The following FRAS1 variants were observed in gnomAD, a reference collection of about 807,000 sequenced individuals.
The protein encoded by FRAS1 is extracellular matrix organizing protein FRAS1.
In FRAS1, 290 loss-of-function variants were observed where a neutral mutation model predicts 435.2. The observed-to-expected ratio is 0.67, with a 90% CI of 0.61 to 0.73. FRAS1 has a LOEUF of 0.73. FRAS1 is among the 30% of genes least tolerant of loss of function. The pLI, the probability that FRAS1 is intolerant of heterozygous loss-of-function variation, is 0.00. For synonymous variants in FRAS1, 1,800 were observed against 1,851.0 expected, an observed-to-expected ratio of 0.97 and a Z score of 0.71; for missense variants, 4,860 against 5,001.5, an observed-to-expected ratio of 0.97 and a Z score of 0.85.
intron 2 of FRAS1, among the ~76,000 whole-genome samples, chr4:78,211,676 C>A: frequency 6.6e-6 from 1 of 151,482 alleles, no homozygotes; most frequent in East Asian, 2.1e-4. Flanking sequence ...ATTAAGTAAT[C>A]CCCTCTTTTA....
rs769676626 is a variant in FRAS1 at position 78,464,552 on chromosome 4, T to G, written c.6998T>G (p.Phe2333Cys). 5 of 1,613,832 alleles carry G rather than the reference T, an allele frequency of 3.1e-6. No individual in the cohort carries two copies. In the South Asian group the frequency reaches 5.5e-5, roughly 18 times the overall value. Residue 2333 changes from phenylalanine (F) to cysteine (C), a missense_variant, in exon 49 of 74, where the codon TTT becomes TGT. Phe to Cys is a radical substitution (Grantham distance 205). Transcript: ENST00000512123. ...QEGMRKTITE[F>C]ELKAVDADTE... The stretch of plus-strand genomic sequence containing the variant: ...GGCATGAGGAAGACCATCACAGAGT[T>G]TGAGCTTAAGGCGGTGGATGCTGAC...
chr4:78,137,395 A>G (rs1719967284), intron 2 of FRAS1, among the ~76,000 whole-genome samples: 1 of 152,156 alleles, frequency 6.6e-6, no homozygotes, highest in Admixed American at 6.5e-5. Flanking sequence ...ATATGTATAC[A>G]TATATATTTT....
chr4:78,126,893 T>A (rs1719390482), intron 2 of FRAS1, among the ~76,000 whole-genome samples: 1 of 152,170 alleles, frequency 6.6e-6, no homozygotes, highest in African/African-American at 2.4e-5. Context: ...ACAAGCAGAT[T>A]AGTGGAACCT....
At chr4:78,338,537 AC>A (rs988816990) in intron 20 of FRAS1, among the ~76,000 whole-genome samples, 1 of 152,190 alleles carries the variant, frequency 6.6e-6, no homozygotes, top group Non-Finnish European at 1.5e-5. Flanking sequence ...TTCTTGATCC[AC>A]TTTTTCAAAC....
In FRAS1 at chr4:78,119,252, C is replaced by T. The variant is rs150411377; in HGVS notation, c.108+53236C>T. On this transcript the variant is annotated intron_variant, in intron 2 of 73. Transcript: ENST00000512123. ...ATATATTATTGCTAACTGTAGTCAT[C>T]CTACAGTGATAGAGCATGCTAGAGC... 3.3e-3 allele frequency among the ~76,000 whole-genome samples: 496 copies of T among 152,208 alleles called. 8 individuals carry two copies. The highest frequency in any genetic ancestry group is 0.032 in the East Asian group (165 of 5,174).
In FRAS1 at chr4:78,446,739, G is replaced by T; in HGVS notation, c.5869G>T (p.Glu1957Ter). The T allele has an allele frequency of 6.2e-7, 1 of 1,612,748 alleles. No individual in the cohort carries two copies. Among genetic ancestry groups the T allele is most frequent in the South Asian group, 1.1e-5 (1 of 90,782 alleles). Residue 1957 changes from glutamate (E) to a stop codon, truncating the protein, a stop_gained, in exon 43 of 74, where the codon GAG becomes TAG. Coordinates refer to ENST00000512123, the MANE Select transcript of FRAS1 (RefSeq NM_025074.7). LOFTEE classifies it high-confidence loss of function. ...ATGCTTTAATCAGAGGAAGAACGAT[G>T]AGCCTCCCAGGATGACCTTGCAGCC... is the stretch of plus-strand genomic sequence containing the variant. Reference protein sequence around the residue: ...INITIERKNDEPPRMTLQPLR... With the variant: ...INITIERKND
At chr4:78,320,494 G>A (rs752223441) in intron 18 of FRAS1, among the ~76,000 whole-genome samples, 2 of 152,126 alleles carry the variant, frequency 1.3e-5, no homozygotes, top group African/African-American at 4.8e-5. Context: ...ATTCTCTTCC[G>A]TGGGTTTAGG....
chr4:78,196,796 G>A (rs76483618), intron 2 of FRAS1, among the ~76,000 whole-genome samples: 3,408 of 152,302 alleles, frequency 0.022, 67 homozygotes, highest in African/African-American at 0.048. Context: ...TATCATATAA[G>A]AGACTTGAGA....
At chr4:78,196,764 G>T (rs1462071426) in intron 2 of FRAS1, among the ~76,000 whole-genome samples, 1 of 152,176 alleles carries the variant, frequency 6.6e-6, no homozygotes, top group African/African-American at 2.4e-5. Context: ...CGTATGTGAA[G>T]TATTTGGAAT....
intron 35 of FRAS1, among the ~76,000 whole-genome samples, chr4:78,427,598 C>T (rs1371028512): frequency 6.6e-6 from 1 of 152,072 alleles, no homozygotes; most frequent in Non-Finnish European, 1.5e-5. Flanking sequence ...AATTAAGAAC[C>T]ATCTGTGCCT....
chr4:78,129,734 T>G (rs1280580755), intron 2 of FRAS1, among the ~76,000 whole-genome samples: 1 of 152,016 alleles, frequency 6.6e-6, no homozygotes, highest in East Asian at 1.9e-4. Flanking sequence ...AAAATTGACC[T>G]CCTCACCTTC....
intron 55 of FRAS1, 41 bp from the exon 56 acceptor site, chr4:78,479,333 A>AGT: frequency 7.6e-7 from 1 of 1,324,186 alleles, no homozygotes; most frequent in Non-Finnish European, 1.0e-6. Context: ...TCTGAGAAGC[A>AGT]CTCATTCAAA....
chr4:78,482,356 C>T (rs1720035449), intron 57 of FRAS1, 32 bp from the exon 58 acceptor site: 3 of 1,613,324 alleles, frequency 1.9e-6, no homozygotes, highest in Non-Finnish European at 2.5e-6. Context: ...ATGGTGGGTC[C>T]TCTGTCAAGT....
Position 78,481,984 on chromosome 4 carries a change from G to A in FRAS1, c.8604+20G>A. 6.2e-7 allele frequency: 1 copy of A among 1,608,392 alleles called. No homozygotes were observed. The highest frequency in any genetic ancestry group is 1.1e-5 in the South Asian group (1 of 89,428). On this transcript the variant is annotated intron_variant, in intron 57 of 73. Transcript: ENST00000512123. ...GAACAGGTGCGTTTACAGCAGTCGA[G>A]ACTCCACAAAGTTGACAGGTCGGTT...
intron 69 of FRAS1, among the ~76,000 whole-genome samples, chr4:78,523,880 G>GAC (rs1721460193): frequency 2.0e-5 from 3 of 151,628 alleles, no homozygotes; most frequent in Admixed American, 1.3e-4. Context: ...GGTTTCACGT[G>GAC]AAACCCAGCC....
chr4:78,083,843 C>A (rs1741019320), intron 2 of FRAS1, among the ~76,000 whole-genome samples: 1 of 151,940 alleles, frequency 6.6e-6, no homozygotes, highest in Admixed American at 6.6e-5. Context: ...TAGAGACCGG[C>A]AAAATGTTGA....
intron 2 of FRAS1, among the ~76,000 whole-genome samples, chr4:78,097,939 T>C (rs1444253018): frequency 1.3e-5 from 2 of 152,154 alleles, no homozygotes; most frequent in Non-Finnish European, 2.9e-5. Context: ...TGGAAGATGG[T>C]CTTCTACAAG....
chr4:78,428,771 GA>G lies in FRAS1; in HGVS notation c.4712-323del, dbSNP rs1734096594. On this transcript the variant is annotated intron_variant, in intron 35 of 73. Transcript: ENST00000512123. ...TTTACCAGTAGCATCTATGGGTGCA[GA>G]TTTTGTGTTACCTTCCTTTCCACTA... is the stretch of plus-strand genomic sequence containing the variant. 3.3e-5 allele frequency among the ~76,000 whole-genome samples: 5 copies of G among 152,284 alleles called. No individual in the cohort carries two copies. In the South Asian group the frequency reaches 8.3e-4, roughly 25 times the overall value.
chr4:78,363,614 T>C lies in FRAS1; in HGVS notation c.2524T>C (p.Cys842Arg). 6.2e-7 allele frequency: 1 copy of C among 1,606,624 alleles called. No individual in the cohort carries two copies. Among genetic ancestry groups the C allele is most frequent in the South Asian group, 1.1e-5 (1 of 89,262 alleles). ...NAHYLLLGDH[C>R]VPDCPSGYYA... The stretch of plus-strand genomic sequence containing the variant: ...CCACTACCTGCTGCTCGGGGACCAC[T>C]GTGTTCCTGACTGCCCTTCAGGATA... The change falls in exon 21 of 74, where the codon TGT becomes CGT. Residue 842 changes from cysteine to arginine, a missense_variant. Coordinates refer to ENST00000512123, the MANE Select transcript of FRAS1 (RefSeq NM_025074.7).
Sources: allele counts gnomAD v4.1 joint callset (sites outside exome capture counted in the v4.1 genomes callset), GRCh38; gene constraint gnomAD v4.1.1; transcripts MANE v1.5; gene names NCBI Gene and HGNC (gene_info 2026-07-23, HGNC 2026-07-21).